The following CSMD1 variants were observed in gnomAD, a reference collection of about 807,000 sequenced individuals.
The protein encoded by CSMD1 is CUB and Sushi multiple domains 1.
CSMD1 carries 213 observed loss-of-function variants against 417.5 expected under a neutral mutation model. The ratio of observed to expected loss-of-function variants is 0.51; its 90% confidence interval spans 0.46 to 0.57. The LOEUF (loss-of-function observed/expected upper bound fraction) is 0.57, where lower values mean the gene tolerates loss of function less well. Among genes scored for constraint, CSMD1 ranks in the 20% least tolerant of loss-of-function variants. The pLI, the probability that CSMD1 is intolerant of heterozygous loss-of-function variation, is 0.00. For missense variants in CSMD1, 6,923 were observed against 4,529.7 expected (o/e 1.53, Z -15.17); for synonymous variants, 2,862 against 1,736.8 (o/e 1.65, Z -16.11).
At chr8:4,280,303 G>A (rs998480098) in intron 3 of CSMD1, among the ~76,000 whole-genome samples, 2 of 152,096 alleles carry the variant, frequency 1.3e-5, no homozygotes, top group South Asian at 2.1e-4. Context: ...TATATAATAA[G>A]CTTTGAAAGA....
At chr8:3,816,864 G>A (rs1741035610) in intron 5 of CSMD1, among the ~76,000 whole-genome samples, 1 of 152,044 alleles carries the variant, frequency 6.6e-6, no homozygotes, top group South Asian at 2.1e-4. Flanking sequence ...TTTCTCAGGG[G>A]TAAGGGGGCA....
At chr8:2,992,661 G>A (rs553726534) in intron 54 of CSMD1, among the ~76,000 whole-genome samples, 6 of 152,026 alleles carry the variant, frequency 3.9e-5, no homozygotes, top group Admixed American at 6.5e-5. Flanking sequence ...TCCTGACCTC[G>A]TGATCTGCCC....
intron 2 of CSMD1, among the ~76,000 whole-genome samples, chr8:4,523,554 C>T (rs1803600082): frequency 6.6e-6 from 1 of 152,060 alleles, no homozygotes; most frequent in Admixed American, 6.6e-5. Flanking sequence ...CACATGCAGA[C>T]AGAATATGCA....
intron 1 of CSMD1, among the ~76,000 whole-genome samples, chr8:4,711,171 C>G (rs542947263): frequency 4.1e-5 from 6 of 146,788 alleles, no homozygotes; most frequent in Non-Finnish European, 7.5e-5. Context: ...AAAAAAAAAA[C>G]CATGATCCTT....
At chr8:4,764,013 C>A (rs953167717) in intron 1 of CSMD1, among the ~76,000 whole-genome samples, 1 of 152,158 alleles carries the variant, frequency 6.6e-6, no homozygotes, top group African/African-American at 2.4e-5. Context: ...TCATTTAGAT[C>A]TTACAAGAAG....
chr8:3,601,133 T>A (rs1053031149), intron 8 of CSMD1, among the ~76,000 whole-genome samples: 3 of 152,196 alleles, frequency 2.0e-5, no homozygotes, highest in African/African-American at 7.2e-5. Flanking sequence ...TAGATGTAGG[T>A]TTGCCTCTGG....
At chr8:3,055,594 T>C (rs1243727435) in intron 49 of CSMD1, among the ~76,000 whole-genome samples, 2 of 152,200 alleles carry the variant, frequency 1.3e-5, no homozygotes, top group Non-Finnish European at 2.9e-5. Context: ...TAGATCACTA[T>C]TTTTTTAAAA....
chr8:4,627,032 T>G (rs1401229794), intron 2 of CSMD1, among the ~76,000 whole-genome samples: 4 of 152,184 alleles, frequency 2.6e-5, no homozygotes, highest in Non-Finnish European at 5.9e-5. Flanking sequence ...ATTATATTCC[T>G]TTTTTAAATT....
intron 3 of CSMD1, among the ~76,000 whole-genome samples, chr8:4,070,504 C>A (rs577995816): frequency 1.3e-5 from 2 of 152,060 alleles, no homozygotes; most frequent in Non-Finnish European, 2.9e-5. Context: ...ACTACAGGCG[C>A]CCGCCACCAC....
At chr8:3,976,226 C>T (rs1813427035) in intron 5 of CSMD1, among the ~76,000 whole-genome samples, 1 of 151,866 alleles carries the variant, frequency 6.6e-6, no homozygotes, top group Admixed American at 6.6e-5. Flanking sequence ...TTCAAAAATA[C>T]TTTAAATACC....
At chr8:3,519,968 T>G (rs771015211) in intron 10 of CSMD1, among the ~76,000 whole-genome samples, 4 of 150,724 alleles carry the variant, frequency 2.7e-5, no homozygotes, top group Non-Finnish European at 4.4e-5. Context: ...CAGGCACACT[T>G]TTTTAAAACT....
chr8:3,800,107 G>A (rs754272065), intron 5 of CSMD1, among the ~76,000 whole-genome samples: 2 of 152,110 alleles, frequency 1.3e-5, no homozygotes, highest in Non-Finnish European at 2.9e-5. Flanking sequence ...AAGATCCACT[G>A]AAGTATATGG....
chr8:3,891,407 T>C (rs1249482157), intron 5 of CSMD1, among the ~76,000 whole-genome samples: 1 of 152,058 alleles, frequency 6.6e-6, no homozygotes, highest in Non-Finnish European at 1.5e-5. Flanking sequence ...AGGCCAGGTA[T>C]GGTGGCTCAC....
At chr8:4,852,344 T>A (rs980251659) in intron 1 of CSMD1, among the ~76,000 whole-genome samples, 2 of 151,810 alleles carry the variant, frequency 1.3e-5, no homozygotes, top group African/African-American at 4.8e-5. Flanking sequence ...AGTGAGAGAG[T>A]TCTTGCAACA....
At chr8:3,771,038 G>GTGCA (rs1321630681) in intron 5 of CSMD1, among the ~76,000 whole-genome samples, 1 of 151,944 alleles carries the variant, frequency 6.6e-6, no homozygotes, top group Non-Finnish European at 1.5e-5. Flanking sequence ...GTCTGCGTGC[G>GTGCA]TGTGTGTGTT....
chr8:4,494,369 A>T (rs1043033731), intron 2 of CSMD1, among the ~76,000 whole-genome samples: 3 of 152,210 alleles, frequency 2.0e-5, no homozygotes, highest in Admixed American at 2.0e-4. Context: ...GAGACTTACT[A>T]AAGTGAAATA....
intron 2 of CSMD1, among the ~76,000 whole-genome samples, chr8:4,453,435 C>A (rs554258769): frequency 1.1e-4 from 16 of 152,284 alleles, no homozygotes; most frequent in African/African-American, 2.9e-4. Flanking sequence ...AGTTAGTCAC[C>A]CGTGTGTTGG....
chr8:3,499,680 A>C (rs4487801), intron 10 of CSMD1, among the ~76,000 whole-genome samples: 92,645 of 151,536 alleles, frequency 0.61, 28,442 homozygotes, highest in South Asian at 0.66. Context: ...CTGCTTGACG[A>C]CTTGTGGTAT....
intron 3 of CSMD1, among the ~76,000 whole-genome samples, chr8:4,399,605 G>T (rs1404316215): frequency 6.6e-6 from 1 of 151,710 alleles, no homozygotes; most frequent in Non-Finnish European, 1.5e-5. Context: ...TGCCATATTT[G>T]TAGTTGTAAC....
Sources: gnomAD v4.1 joint callset for allele counts (sites outside exome capture counted in the v4.1 genomes callset) on GRCh38, gnomAD v4.1.1 for gene constraint, MANE v1.5 for transcripts, NCBI Gene and HGNC (gene_info 2026-07-23, HGNC 2026-07-21) for gene names.